Variants in AGO3 observed in about 807,000 individuals in gnomAD.
The protein encoded by AGO3 is protein argonaute-3.
In AGO3, 16 loss-of-function variants were observed where a neutral mutation model predicts 105.5. The ratio of observed to expected loss-of-function variants is 0.15; its 90% CI spans 0.10 to 0.23. The LOEUF (loss-of-function observed/expected upper bound fraction) is 0.23, where lower values mean the gene tolerates loss of function less well. Among genes scored for constraint, AGO3 ranks in the 10% least tolerant of loss-of-function variants. The pLI is 1.00. For missense variants in AGO3, 534 were observed against 1,088.0 expected (o/e 0.49, Z 7.16); for synonymous variants, 340 against 367.3 (o/e 0.93, Z 0.85).
At position 35,972,085 on chromosome 1, in the gene AGO3, T is replaced by C; in HGVS notation, c.374T>C (p.Ile125Thr). 6.2e-7 allele frequency: 1 copy of C among 1,614,104 alleles called. No individual in the cohort carries two copies. The highest frequency in any genetic ancestry group is 8.5e-7 in the Non-Finnish European group (1 of 1,180,018). Residue 125 changes from isoleucine (I) to threonine (T), a missense_variant, in exon 4 of 19, where the codon ATC becomes ACC. By Grantham distance (89) the Ile-to-Thr change is moderately conservative (BLOSUM62 -1). This residue lies in a region of AGO3 where 161 missense variants were observed against 234.0 expected (regional missense o/e 0.69). Coordinates refer to ENST00000373191, the MANE Select transcript of AGO3 (RefSeq NM_024852.4). ...GGKDRPFKVS[I>T]KFVSRVSWHL... The stretch of plus-strand genomic sequence containing the variant: ...AAAGATCGACCTTTCAAGGTGTCAA[T>C]CAAATTTGTCTCTCGGGTGAGTTGG...
At chr1:36,004,245 T>C in intron 5 of AGO3, 96 bp from the exon 6 acceptor site, 1 of 1,311,862 alleles carries the variant, frequency 7.6e-7, no homozygotes, top group Non-Finnish European at 1.0e-6. Flanking sequence ...TAAAGGATCA[T>C]TTTAACCCTA....
chr1:35,988,111 T>A (rs1189435339), intron 5 of AGO3, among the ~76,000 whole-genome samples: 1 of 150,696 alleles, frequency 6.6e-6, no homozygotes, highest in Admixed American at 6.6e-5. Flanking sequence ...CTTAATGAAA[T>A]GGAAATAAAG....
intron 5 of AGO3, among the ~76,000 whole-genome samples, chr1:35,992,721 T>C (rs527599299): frequency 1.3e-5 from 2 of 152,356 alleles, no homozygotes; most frequent in African/African-American, 4.8e-5. Flanking sequence ...TTAAGTCTTA[T>C]TTTATGTCTG....
chr1:35,934,810 C>G (rs1427266452), intron 1 of AGO3, among the ~76,000 whole-genome samples: 1 of 152,102 alleles, frequency 6.6e-6, no homozygotes, highest in Non-Finnish European at 1.5e-5. Flanking sequence ...ACCACCATGC[C>G]TGGCTAATTT....
At chr1:36,017,840 T>C (rs532710409) in intron 11 of AGO3, among the ~76,000 whole-genome samples, 2 of 151,786 alleles carry the variant, frequency 1.3e-5, no homozygotes, top group African/African-American at 2.4e-5. Flanking sequence ...GAGGCAGAGG[T>C]TGCAGTGAGC....
Position 35,973,303 on chromosome 1 carries a change from C to T in AGO3, c.522-72C>T, listed in dbSNP as rs1646900806. 4.6e-6 allele frequency: 6 copies of T among 1,313,174 alleles called. No homozygotes were observed. In the South Asian group the frequency reaches 1.3e-4, roughly 28 times the overall value. The allele number at this position is 1,313,174 out of a possible 1,614,324, so 81.3% of individuals were successfully genotyped here. A position where few individuals can be genotyped will look rare whatever the true frequency, so the allele number is the denominator to read the frequency against. ...ATCATTATGTTAATTGTGCTCTAGT[C>T]TCCCCTTTTCTGCAGATTTAAATAC... is the stretch of plus-strand genomic sequence containing the variant. On this transcript the variant is annotated intron_variant, in intron 4 of 18. Transcript: ENST00000373191.
intron 11 of AGO3, 46 bp downstream of exon 11, chr1:36,014,094 A>G (rs774112679): frequency 1.2e-6 from 2 of 1,610,022 alleles, no homozygotes; most frequent in Non-Finnish European, 1.7e-6. Flanking sequence ...TTGTGTTTAG[A>G]CTTTAAATTA....
rs1012289375 is a variant in AGO3 at position 36,061,279 on chromosome 1, A to G, written c.*5534A>G. 1.3e-5 allele frequency: 2 copies of G among 152,154 alleles called. No individual in the cohort carries two copies. The highest frequency in any genetic ancestry group is 4.8e-5 in the African/African-American group (2 of 41,436). 9.4% of individuals were successfully genotyped at this position (152,154 alleles called of 1,614,324 possible). A position where few individuals can be genotyped will look rare whatever the true frequency, so the allele number is the denominator to read the frequency against. On this transcript the variant is annotated 3_prime_UTR_variant, in exon 19 of 19. Transcript: ENST00000373191. ...TTTTGACTTTTTTCCTACTTTTAAA[A>G]TGGTACATTTAAGTTTATAATTTTC...
chr1:36,010,611 AAAAAAG>A (rs1640558968), intron 9 of AGO3, among the ~76,000 whole-genome samples: 1 of 151,586 alleles, frequency 6.6e-6, no homozygotes, highest in African/African-American at 2.4e-5. Flanking sequence ...CAAAAAAAAA[AAAAAAG>A]AAAAAGAAGG....
At chr1:36,023,916 A>G (rs573622228) in intron 11 of AGO3, among the ~76,000 whole-genome samples, 16 of 152,154 alleles carry the variant, frequency 1.1e-4, no homozygotes, top group Middle Eastern at 6.8e-3. Context: ...CTGTCCTTCA[A>G]CTTCTAAGTG....
rs1464383519 is a variant in AGO3 at position 35,952,084 on chromosome 1, C to G, written c.191+6221C>G. Among the ~76,000 whole-genome samples the G allele has an allele frequency of 2.6e-5, 4 of 151,494 alleles. No homozygotes were observed. In the East Asian group the frequency reaches 5.8e-4, roughly 22 times the overall value. On this transcript the variant is annotated intron_variant, in intron 2 of 18. Transcript: ENST00000373191. ...TGCCAACCACTAATCTACTTTCTTTCTCTGTAGATTGTCGGTTCTGGGTCG... is the reference window on the plus strand; with the variant it reads ...TGCCAACCACTAATCTACTTTCTTTGTCTGTAGATTGTCGGTTCTGGGTCG...
chr1:36,009,436 GAT>G (rs1188264603), intron 8 of AGO3, 37 bp from the exon 9 acceptor site: 1 of 1,558,454 alleles, frequency 6.4e-7, no homozygotes. Context: ...AAAAAAAAAA[GAT>G]ATATACATGT....
intron 1 of AGO3, among the ~76,000 whole-genome samples, chr1:35,934,611 A>G (rs1646114905): frequency 6.6e-6 from 1 of 152,140 alleles, no homozygotes; most frequent in Non-Finnish European, 1.5e-5. Flanking sequence ...TAATGCCATC[A>G]GGGTCCCAAT....
chr1:35,956,182 A>T (rs1646561868), intron 2 of AGO3, among the ~76,000 whole-genome samples: 1 of 152,188 alleles, frequency 6.6e-6, no homozygotes, highest in African/African-American at 2.4e-5. Context: ...GAGGGCATAG[A>T]TGGAAGATTT....
intron 9 of AGO3, 130 bp from the exon 10 acceptor site, chr1:36,013,500 A>G: frequency 8.3e-7 from 1 of 1,199,324 alleles, no homozygotes; most frequent in Non-Finnish European, 1.2e-6. Flanking sequence ...CTGTAGTTAG[A>G]GCACCATTGA....
intron 11 of AGO3, among the ~76,000 whole-genome samples, chr1:36,014,967 G>A (rs766833637): frequency 6.6e-6 from 1 of 152,028 alleles, no homozygotes; most frequent in African/African-American, 2.4e-5. Context: ...ATGTGGGGAG[G>A]GTTTCCCCAC....
At chr1:35,993,413 C>T (rs1227937568) in intron 5 of AGO3, among the ~76,000 whole-genome samples, 1 of 151,984 alleles carries the variant, frequency 6.6e-6, no homozygotes, top group South Asian at 2.1e-4. Flanking sequence ...AGCAGATTAC[C>T]AGTATCAGGA....
Position 35,931,443 on chromosome 1 carries a change from CAGGTGAGTCAGAGT to C in AGO3, c.19+1_19+14del. The C allele has an allele frequency of 6.6e-7, 1 of 1,518,190 alleles. No individual in the cohort carries two copies. The highest frequency in any genetic ancestry group is 8.8e-7 in the Non-Finnish European group (1 of 1,132,362). The allele number at this position is 1,518,190 out of a possible 1,614,324, so 94.0% of individuals were successfully genotyped here. On this transcript the variant is annotated splice_donor_variant and splice_donor_5th_base_variant and coding_sequence_variant and intron_variant, in exon 1 of 19. Transcript: ENST00000373191. LOFTEE classifies it high-confidence loss of function. ...GCTCCATGAATGGAAATCGGCTCCGCAGGTGAGTCAGAGTAGCTGGGCCAGGTAGGGGATGTCAC... is the reference window on the plus strand; with the variant it reads ...GCTCCATGAATGGAAATCGGCTCCGCAGCTGGGCCAGGTAGGGGATGTCAC...
At chr1:36,009,144 A>G in intron 8 of AGO3, 100 bp downstream of exon 8, 1 of 1,313,880 alleles carries the variant, frequency 7.6e-7, no homozygotes, top group Non-Finnish European at 9.8e-7. Context: ...TTATTTTGGA[A>G]TATGAACTGT....
Sources: allele counts gnomAD v4.1 joint callset (sites outside exome capture counted in the v4.1 genomes callset), GRCh38; gene constraint gnomAD v4.1.1; regional missense constraint gnomAD v4.1.1; transcripts MANE v1.5; gene names NCBI Gene and HGNC (gene_info 2026-07-23, HGNC 2026-07-21).